Variants in PMS1 observed in about 807,000 individuals in gnomAD.
The protein encoded by PMS1 is PMS1 protein homolog 1.
A neutral mutation model predicts 93.1 loss-of-function variants in PMS1; 79 were observed. The observed-to-expected ratio is 0.85, with a 90% confidence interval of 0.71 to 1.02. PMS1 has a LOEUF of 1.02. Ranked by LOEUF, PMS1 falls within the 50% of genes least tolerant of loss-of-function variation. The pLI, the probability that PMS1 is intolerant of heterozygous loss-of-function variation, is 0.00. For synonymous variants in PMS1, 335 were observed against 363.4 expected, an observed-to-expected ratio of 0.92 and a Z score of 0.89; for missense variants, 1,064 against 1,085.3, an observed-to-expected ratio of 0.98 and a Z score of 0.28.
chr2:189,791,111 A>G (rs925121353), intron 1 of PMS1, among the ~76,000 whole-genome samples: 58 of 151,310 alleles, frequency 3.8e-4, no homozygotes, highest in Middle Eastern at 3.4e-3. Flanking sequence ...AATATTGTGG[A>G]TTTTTTGAAC....
At chr2:189,786,374 TC>T (rs1166517705) in intron 1 of PMS1, among the ~76,000 whole-genome samples, 2 of 152,130 alleles carry the variant, frequency 1.3e-5, no homozygotes, top group African/African-American at 2.4e-5. Flanking sequence ...TTGCAGTAGT[TC>T]AGGAGAGAAA....
At chr2:189,806,108 T>A in intron 4 of PMS1, 1 of 448,092 alleles carries the variant, frequency 2.2e-6, no homozygotes, top group Non-Finnish European at 3.8e-6. Context: ...GATTTGGTAA[T>A]AGTGGAAATA....
At chr2:189,870,984 AAAGAG>A (rs1397879464) in intron 11 of PMS1, among the ~76,000 whole-genome samples, 3 of 152,226 alleles carry the variant, frequency 2.0e-5, no homozygotes, top group Non-Finnish European at 4.4e-5. Flanking sequence ...CTTACAAAGA[AAAGAG>A]GTTTATTTGG....
chr2:189,839,273 G>A (rs769664443), intron 5 of PMS1, among the ~76,000 whole-genome samples: 5 of 152,172 alleles, frequency 3.3e-5, no homozygotes, highest in Non-Finnish European at 5.9e-5. Context: ...TTACAGGCAC[G>A]AGCCACCACA....
intron 2 of PMS1, among the ~76,000 whole-genome samples, chr2:189,795,208 A>G (rs1036281136): frequency 1.3e-5 from 2 of 152,254 alleles, no homozygotes; most frequent in Non-Finnish European, 2.9e-5. Context: ...TTAGAAAGTT[A>G]TAATGTAGTA....
chr2:189,866,999 C>A (rs2056719892), intron 10 of PMS1, among the ~76,000 whole-genome samples: 1 of 152,222 alleles, frequency 6.6e-6, no homozygotes, highest in African/African-American at 2.4e-5. Context: ...TATTAGCTCT[C>A]ACAGCCATTG....
At chr2:189,838,373 C>T (rs893921221) in intron 5 of PMS1, among the ~76,000 whole-genome samples, 4 of 152,224 alleles carry the variant, frequency 2.6e-5, no homozygotes, top group South Asian at 4.2e-4. Context: ...ATTCCTTTAA[C>T]GAAAGTATTT....
In PMS1 at chr2:189,855,072, T is replaced by C. The variant is rs769347993; in HGVS notation, c.1800T>C (p.Asp600=). The change falls in exon 9 of 13, where the codon GAT becomes GAC. Residue 600 remains aspartate (D), a synonymous_variant. Transcript: ENST00000441310. ...AAAATCCTAAGACTAGTTTAGAGGA[T>C]GCAACACTACAAATTGAAGAACTGT... ...LIENPKTSLE[D]ATLQIEELWK... is the part of the protein sequence containing the mutation. The C allele has an allele frequency of 6.2e-7, 1 of 1,613,352 alleles. No homozygotes were observed. Among genetic ancestry groups the C allele is most frequent in the Non-Finnish European group, 8.5e-7 (1 of 1,179,452 alleles).
chr2:189,796,535 C>T (rs1362639467), intron 3 of PMS1, among the ~76,000 whole-genome samples: 1 of 152,070 alleles, frequency 6.6e-6, no homozygotes, highest in South Asian at 2.1e-4. Flanking sequence ...AATGCCTTTT[C>T]CCCCCATCCC....
chr2:189,844,341 T>A (rs542594270), intron 6 of PMS1, among the ~76,000 whole-genome samples: 10 of 152,148 alleles, frequency 6.6e-5, no homozygotes, highest in South Asian at 2.1e-4. Context: ...GTTTACTTTC[T>A]ACTATAAAAG....
At chr2:189,821,379 C>G (rs888822511) in intron 5 of PMS1, among the ~76,000 whole-genome samples, 2 of 150,612 alleles carry the variant, frequency 1.3e-5, no homozygotes, top group South Asian at 2.1e-4. Flanking sequence ...CACTTAAACC[C>G]GGGAAGCAGG....
At chr2:189,797,415 A>G (rs1344992107) in intron 3 of PMS1, among the ~76,000 whole-genome samples, 8 of 152,208 alleles carry the variant, frequency 5.3e-5, no homozygotes, top group South Asian at 2.1e-4. Flanking sequence ...AAGCCCGTCT[A>G]GAACCTTGAT....
Position 189,877,287 on chromosome 2 carries a change from C to G in PMS1, c.2650C>G (p.Leu884Val). The change falls in exon 13 of 13, where the codon CTA (leucine) becomes GTA (valine). Residue 884 changes from leucine (L) to valine (V), a missense_variant. Leu to Val is a conservative substitution (Grantham distance 32). Transcript: ENST00000441310. ...ISYLEGEAVRLSRQLPMYLSK... is the reference protein window; with the variant it reads ...ISYLEGEAVRVSRQLPMYLSK... ...CTTTGGACAGGGAGAAGCAGTGCGT[C>G]TATCCAGACAATTACCCATGTACTT... is the stretch of plus-strand genomic sequence containing the variant. The G allele has an allele frequency of 1.9e-6, 3 of 1,613,708 alleles. No homozygotes were observed. The highest frequency in any genetic ancestry group is 2.5e-6 in the Non-Finnish European group (3 of 1,179,640).
chr2:189,869,060 A>G (rs1314415952), intron 11 of PMS1, among the ~76,000 whole-genome samples: 1 of 152,212 alleles, frequency 6.6e-6, no homozygotes, highest in Non-Finnish European at 1.5e-5. Context: ...TACTGTCCCC[A>G]TTTTACAGAT....
chr2:189,860,409 GT>G (rs1047900091), intron 9 of PMS1, among the ~76,000 whole-genome samples: 29 of 147,254 alleles, frequency 2.0e-4, no homozygotes, highest in East Asian at 5.9e-4. Flanking sequence ...ATGTGTAGTA[GT>G]TTTTTTTTTT....
intron 6 of PMS1, among the ~76,000 whole-genome samples, chr2:189,851,316 C>CT (rs377011509): frequency 7.9e-5 from 12 of 152,054 alleles, no homozygotes; most frequent in African/African-American, 2.2e-4. Flanking sequence ...TCAGGGCAGA[C>CT]TTTTTTTAAA....
intron 4 of PMS1, chr2:189,807,032 A>G (rs952028361): frequency 5.4e-6 from 1 of 185,288 alleles, no homozygotes; most frequent in South Asian, 2.0e-4. Context: ...TTAATATTAA[A>G]TTATTGGATT....
chr2:189,867,948 A>AT lies in PMS1; in HGVS notation c.2473+20dup. On this transcript the variant is annotated intron_variant, in intron 11 of 12. Transcript: ENST00000441310. ...ATACCAGGTATGATAGTGTGGTTTA[A>AT]TATTTTCTGATGTGGAAAAATTAGT... 1 of 1,591,918 alleles carries AT rather than the reference A, an allele frequency of 6.3e-7. No individual in the cohort carries two copies.
chr2:189,876,803 G>T (rs1471215957), intron 12 of PMS1, among the ~76,000 whole-genome samples: 1 of 145,584 alleles, frequency 6.9e-6, no homozygotes, highest in South Asian at 2.2e-4. Flanking sequence ...GTGGAGACTG[G>T]GTCTCACTGT....
Sources: gnomAD v4.1 joint callset for allele counts (sites outside exome capture counted in the v4.1 genomes callset) on GRCh38, gnomAD v4.1.1 for gene constraint, MANE v1.5 for transcripts, NCBI Gene and HGNC (gene_info 2026-07-23, HGNC 2026-07-21) for gene names.